GUCA1C: variants seen among roughly 807,000 people sequenced by gnomAD.
The protein encoded by GUCA1C is guanylate cyclase activator 1C, also known as guanylyl cyclase-activating protein 3.
A neutral mutation model predicts 16.2 loss-of-function variants in GUCA1C; 15 were observed. That is an observed-to-expected ratio of 0.93 (90% CI 0.62 to 1.43). The LOEUF is 1.43. Among genes scored for constraint, GUCA1C ranks in the 40% most tolerant of loss-of-function variants. The pLI, the probability that GUCA1C is intolerant of heterozygous loss-of-function variation, is 0.00. For missense variants in GUCA1C, 275 were observed against 244.8 expected, an observed-to-expected ratio of 1.12 and a Z score of -0.82; for synonymous variants, 78 against 85.4, an observed-to-expected ratio of 0.91 and a Z score of 0.48.
intron 1 of GUCA1C, among the ~76,000 whole-genome samples, chr3:108,949,792 G>A (rs1236878074): frequency 1.3e-5 from 2 of 152,042 alleles, no homozygotes; most frequent in East Asian, 3.8e-4. Context: ...TATATTTATG[G>A]TATACAATAT....
At chr3:108,923,201 G>A (rs1946585781) in intron 1 of GUCA1C, among the ~76,000 whole-genome samples, 2 of 152,136 alleles carry the variant, frequency 1.3e-5, no homozygotes, top group Middle Eastern at 3.4e-3. Flanking sequence ...TTTTGTTTTT[G>A]TTGCATTTGC....
At chr3:108,939,266 A>G (rs188206266) in intron 1 of GUCA1C, among the ~76,000 whole-genome samples, 398 of 147,858 alleles carry the variant, frequency 2.7e-3, no homozygotes, top group African/African-American at 9.3e-3. Context: ...AGAAAATGGC[A>G]GAATTTGATG....
intron 1 of GUCA1C, among the ~76,000 whole-genome samples, chr3:108,924,601 C>CT (rs1376512602): frequency 6.6e-6 from 1 of 151,812 alleles, no homozygotes; most frequent in African/African-American, 2.4e-5. Context: ...CTGTGGTTTT[C>CT]TTTTTTCTGT....
At chr3:108,920,737 A>G in intron 1 of GUCA1C, 152 bp from the exon 2 acceptor site, 1 of 565,912 alleles carries the variant, frequency 1.8e-6, no homozygotes, top group South Asian at 2.6e-5. Flanking sequence ...GTTTCATTTA[A>G]AAAAAAGTTT....
At chr3:108,911,091 G>A (rs1946448565) in intron 3 of GUCA1C, among the ~76,000 whole-genome samples, 1 of 152,170 alleles carries the variant, frequency 6.6e-6, no homozygotes, top group Non-Finnish European at 1.5e-5. Flanking sequence ...TGGGGACCCT[G>A]AAGGTCAGTA....
chr3:108,927,378 C>T (rs867696774), intron 1 of GUCA1C, among the ~76,000 whole-genome samples: 5 of 150,578 alleles, frequency 3.3e-5, no homozygotes, highest in African/African-American at 9.8e-5. Flanking sequence ...TCTTAGGTTT[C>T]GACATTTAAC....
At chr3:108,932,347 A>C (rs1222555852) in intron 1 of GUCA1C, among the ~76,000 whole-genome samples, 8 of 151,582 alleles carry the variant, frequency 5.3e-5, no homozygotes, top group Admixed American at 2.6e-4. Context: ...AAACAAAAAA[A>C]AAAAACAGCA....
At chr3:108,910,934 G>T (rs1382974888) in intron 3 of GUCA1C, among the ~76,000 whole-genome samples, 1 of 152,082 alleles carries the variant, frequency 6.6e-6, no homozygotes, top group Non-Finnish European at 1.5e-5. Context: ...ACAGGCGTGA[G>T]CCACCGCACC....
intron 1 of GUCA1C, among the ~76,000 whole-genome samples, chr3:108,945,124 G>A (rs571889675): frequency 1.3e-5 from 2 of 152,332 alleles, no homozygotes; most frequent in East Asian, 1.9e-4. Context: ...GTACTTTCCC[G>A]AGAATTGGGT....
At chr3:108,930,996 C>A (rs1448219273) in intron 1 of GUCA1C, among the ~76,000 whole-genome samples, 2 of 152,264 alleles carry the variant, frequency 1.3e-5, no homozygotes, top group African/African-American at 4.8e-5. Flanking sequence ...TGGACAGTAT[C>A]CAACCAGAGG....
chr3:108,922,867 C>T (rs1297237676), intron 1 of GUCA1C, among the ~76,000 whole-genome samples: 1 of 152,154 alleles, frequency 6.6e-6, no homozygotes, highest in Non-Finnish European at 1.5e-5. Context: ...CATGTGTTCT[C>T]ATTGTTCAAC....
intron 1 of GUCA1C, among the ~76,000 whole-genome samples, chr3:108,942,921 G>T (rs1007188003): frequency 6.6e-6 from 1 of 152,134 alleles, no homozygotes; most frequent in African/African-American, 2.4e-5. Context: ...ATGTGAGTTT[G>T]CTCCTGGCAA....
chr3:108,916,305 A>T, intron 2 of GUCA1C, 91 bp from the exon 3 acceptor site: 1 of 1,283,728 alleles, frequency 7.8e-7, no homozygotes, highest in Non-Finnish European at 1.1e-6. Flanking sequence ...GAATTTGGGG[A>T]TGTGTTGTCG....
intron 3 of GUCA1C, among the ~76,000 whole-genome samples, chr3:108,909,958 C>T (rs1946432302): frequency 6.6e-6 from 1 of 152,178 alleles, no homozygotes; most frequent in African/African-American, 2.4e-5. Flanking sequence ...TAAGCCCTAA[C>T]CACAATTACC....
intron 3 of GUCA1C, among the ~76,000 whole-genome samples, chr3:108,912,369 G>T (rs76766850): frequency 0.02 from 3,024 of 151,942 alleles, 123 homozygotes; most frequent in African/African-American, 0.07. Context: ...ATTCCACACT[G>T]AATCATTTTT....
intron 1 of GUCA1C, among the ~76,000 whole-genome samples, chr3:108,941,619 G>A (rs892258790): frequency 3.4e-4 from 51 of 152,208 alleles, no homozygotes; most frequent in Non-Finnish European, 4.7e-4. Context: ...TCTGACAAGT[G>A]AGTATTCTTA....
At chr3:108,945,883 G>A (rs144652645) in intron 1 of GUCA1C, among the ~76,000 whole-genome samples, 1 of 152,262 alleles carries the variant, frequency 6.6e-6, no homozygotes, top group East Asian at 1.9e-4. Flanking sequence ...ATAACCCAAT[G>A]ATATGCTGGA....
At chr3:108,920,413 G>A (rs754366283) in intron 2 of GUCA1C, 23 bp downstream of exon 2, 1 of 1,587,516 alleles carries the variant, frequency 6.3e-7, no homozygotes, top group Non-Finnish European at 8.6e-7. Context: ...GGCCTGAAAA[G>A]GATACTTTAC....
intron 1 of GUCA1C, among the ~76,000 whole-genome samples, chr3:108,944,840 A>C (rs1946827976): frequency 6.6e-6 from 1 of 152,210 alleles, no homozygotes; most frequent in Non-Finnish European, 1.5e-5. Context: ...GGGGGTCAAT[A>C]ATCCTCTTAT....
Sources: allele counts gnomAD v4.1 joint callset (sites outside exome capture counted in the v4.1 genomes callset), GRCh38; gene constraint gnomAD v4.1.1; transcripts MANE v1.5; gene names NCBI Gene and HGNC (gene_info 2026-07-23, HGNC 2026-07-21).